Variants in SPATA6 observed in about 807,000 individuals in gnomAD.
SPATA6 encodes the protein spermatogenesis associated 6.
SPATA6 carries 56 observed loss-of-function variants against 65.3 expected under a neutral mutation model. That is an observed-to-expected ratio of 0.86 (90% CI 0.69 to 1.07). The LOEUF (loss-of-function observed/expected upper bound fraction) is 1.07. SPATA6 is among the 50% of genes least tolerant of loss of function. The probability of loss-of-function intolerance (pLI) is 0.00; values close to 1 mark genes in which losing one functional copy is unlikely to be tolerated. For missense variants in SPATA6, 590 were observed against 594.8 expected (o/e 0.99, Z 0.08); for synonymous variants, 199 against 213.2 (o/e 0.93, Z 0.58).
intron 9 of SPATA6, among the ~76,000 whole-genome samples, chr1:48,365,452 G>C (rs578120522): frequency 2.0e-5 from 3 of 152,170 alleles, no homozygotes; most frequent in East Asian, 3.9e-4. Context: ...TCTTCCATTT[G>C]TTTGTATCCT....
chr1:48,365,176 GT>G (rs1358151217), intron 9 of SPATA6, among the ~76,000 whole-genome samples: 1 of 152,190 alleles, frequency 6.6e-6, no homozygotes, highest in East Asian at 1.9e-4. Flanking sequence ...TTTGGTAACA[GT>G]ACCATGCTGT....
At chr1:48,404,753 A>G (rs1002954457) in intron 5 of SPATA6, among the ~76,000 whole-genome samples, 2 of 152,196 alleles carry the variant, frequency 1.3e-5, no homozygotes, top group African/African-American at 4.8e-5. Flanking sequence ...TTTTTCCTAT[A>G]ATGTATCTTA....
chr1:48,278,692 G>A, the SPATA6 span, among the ~76,000 whole-genome samples: 60 of 152,236 alleles, frequency 3.9e-4, no homozygotes, highest in South Asian at 5.0e-3. Flanking sequence ...TGAAAAGACC[G>A]AATCTACATC....
chr1:48,305,604 G>C (rs903483099), intron 12 of SPATA6, among the ~76,000 whole-genome samples, 183 bp downstream of exon 12: 3 of 151,926 alleles, frequency 2.0e-5, no homozygotes, highest in Non-Finnish European at 2.9e-5. Context: ...ACCAATAATT[G>C]ACTATATTTG....
intron 11 of SPATA6, among the ~76,000 whole-genome samples, chr1:48,331,619 G>A (rs1430119033): frequency 6.6e-6 from 1 of 152,160 alleles, no homozygotes; most frequent in East Asian, 1.9e-4. Context: ...TGAAAGACAT[G>A]AGGAGAAAGG....
In SPATA6 at chr1:48,404,236, A is replaced by C. The variant is rs1040969100; in HGVS notation, c.406-354T>G. Among the ~76,000 whole-genome samples the C allele has an allele frequency of 3.3e-5, 5 of 151,974 alleles. No individual in the cohort carries two copies. The East Asian group carries it at 9.6e-4, about 29-fold the overall frequency. On this transcript the variant is annotated intron_variant, in intron 5 of 12. Coordinates refer to ENST00000371847, the MANE Select transcript of SPATA6 (RefSeq NM_019073.4). ...TAAATTTCAGCTTTTTACTTTTACA[A>C]CTTACGACATATTTAACCATATAGT... is the stretch of plus-strand genomic sequence containing the variant.
chr1:48,285,180 C>T, the SPATA6 span, among the ~76,000 whole-genome samples: 5 of 152,094 alleles, frequency 3.3e-5, no homozygotes, highest in South Asian at 2.1e-4. Flanking sequence ...TGCCTAGCTG[C>T]GGTGGGCTCC....
intron 1 of SPATA6, 98 bp downstream of exon 1, chr1:48,471,860 A>G: frequency 7.3e-7 from 1 of 1,370,484 alleles, no homozygotes. Flanking sequence ...GATGATTCGG[A>G]GGGTGAAGGA....
intron 1 of SPATA6, among the ~76,000 whole-genome samples, chr1:48,460,067 C>A (rs1657312256): frequency 6.6e-6 from 1 of 151,972 alleles, no homozygotes; most frequent in African/African-American, 2.4e-5. Context: ...AACTCCTGGG[C>A]TCCAGGAATC....
chr1:48,464,881 AG>A (rs1312916672), intron 1 of SPATA6, among the ~76,000 whole-genome samples: 1 of 152,174 alleles, frequency 6.6e-6, no homozygotes, highest in Non-Finnish European at 1.5e-5. Flanking sequence ...TATATGCTAT[AG>A]TTCCATAAAA....
At chr1:48,336,128 A>C (rs1336622826) in intron 11 of SPATA6, among the ~76,000 whole-genome samples, 2 of 152,134 alleles carry the variant, frequency 1.3e-5, no homozygotes, top group South Asian at 2.1e-4. Context: ...AAGTCAAAAA[A>C]TAACAGATGT....
At chr1:48,321,880 T>C (rs1645608324) in intron 11 of SPATA6, among the ~76,000 whole-genome samples, 1 of 152,088 alleles carries the variant, frequency 6.6e-6, no homozygotes. Flanking sequence ...CACCAACAGA[T>C]GGAAATTAAA....
At chr1:48,396,490 A>G (rs1650598491) in intron 7 of SPATA6, among the ~76,000 whole-genome samples, 1 of 151,770 alleles carries the variant, frequency 6.6e-6, no homozygotes, top group Non-Finnish European at 1.5e-5. Flanking sequence ...CATTACTCAT[A>G]ATATCCAAAA....
Position 48,472,037 on chromosome 1 carries a change from C to A in SPATA6, c.-29G>T, listed in dbSNP as rs1658307096. ...TGCGGGGAGGGGCGGCGGGGAGTGA[C>A]CCCGGCCACGGGCCCGAGTGAGGCG... On this transcript the variant is annotated 5_prime_UTR_variant, in exon 1 of 13. Transcript: ENST00000371847. 5 of 1,493,042 alleles carry A rather than the reference C, an allele frequency of 3.3e-6. No homozygotes were observed. Among genetic ancestry groups the A allele is most frequent in the Admixed American group, 2.2e-5 (1 of 44,590 alleles). The allele number at this position is 1,493,042 out of a possible 1,614,324, so 92.5% of individuals were successfully genotyped here. A position where few individuals can be genotyped will look rare whatever the true frequency, so the allele number is the denominator to read the frequency against.
the SPATA6 span, among the ~76,000 whole-genome samples, chr1:48,290,003 C>T: frequency 2.2e-4 from 33 of 152,230 alleles, no homozygotes; most frequent in South Asian, 6.6e-3. Context: ...AAAGAAAACG[C>T]CACAAAGATA....
intron 11 of SPATA6, chr1:48,325,312 T>G: frequency 8.5e-7 from 1 of 1,174,238 alleles, no homozygotes; most frequent in African/African-American, 1.6e-5. Context: ...CCTGCTTCAC[T>G]GTGTGTAGGG....
chr1:48,303,566 C>G (rs1354806432), intron 12 of SPATA6, among the ~76,000 whole-genome samples: 2 of 152,134 alleles, frequency 1.3e-5, no homozygotes, highest in African/African-American at 2.4e-5. Context: ...ATGATGTCCT[C>G]TAGTTCCATC....
chr1:48,311,472 C>T (rs966360576), intron 11 of SPATA6, among the ~76,000 whole-genome samples: 1 of 151,878 alleles, frequency 6.6e-6, no homozygotes, highest in African/African-American at 2.4e-5. Context: ...GAACAAATTA[C>T]TAGAAAGATA....
intron 5 of SPATA6, among the ~76,000 whole-genome samples, chr1:48,405,049 T>C (rs1249838635): frequency 1.3e-5 from 2 of 152,162 alleles, no homozygotes. Context: ...CCTCAACAAA[T>C]CAAGTCTGTG....
Sources: gnomAD v4.1 joint callset for allele counts (sites outside exome capture counted in the v4.1 genomes callset) on GRCh38, gnomAD v4.1.1 for gene constraint, MANE v1.5 for transcripts, NCBI Gene and HGNC (gene_info 2026-07-23, HGNC 2026-07-21) for gene names.